DLGAP2: variants seen among roughly 807,000 people sequenced by gnomAD.
DLGAP2 encodes the protein disks large-associated protein 2.
In DLGAP2, 26 loss-of-function variants were observed where a neutral mutation model predicts 100.3. The observed-to-expected ratio is 0.26, with a 90% CI of 0.19 to 0.36. The LOEUF is 0.36. Among genes scored for constraint, DLGAP2 ranks in the 10% least tolerant of loss-of-function variants. The pLI is 1.00. For missense variants in DLGAP2, 1,858 were observed against 1,453.2 expected (o/e 1.28, Z -4.53); for synonymous variants, 886 against 630.1 (o/e 1.41, Z -6.08).
chr8:1,062,827 C>G (rs1016971084), intron 2 of DLGAP2, among the ~76,000 whole-genome samples: 1 of 152,154 alleles, frequency 6.6e-6, no homozygotes, highest in Non-Finnish European at 1.5e-5. Flanking sequence ...TCCAGAACTA[C>G]GGTGCTGTAA....
In DLGAP2 at chr8:940,881, T is replaced by C. The variant is rs1451968063; in HGVS notation, c.73+32915T>C. Among the ~76,000 whole-genome samples the C allele has an allele frequency of 3.3e-5, 5 of 151,920 alleles. No homozygotes were observed. The East Asian group carries it at 5.9e-4, about 18-fold the overall frequency. On this transcript the variant is annotated intron_variant, in intron 2 of 14. Transcript: ENST00000637795. ...GGAGGGGAGGAGGCAGTCAGGCTGC[T>C]CGGGAGGCTGAGCCCAGGAGTCACC...
At chr8:801,604 G>A (rs1268275721) in intron 1 of DLGAP2, among the ~76,000 whole-genome samples, 1 of 152,168 alleles carries the variant, frequency 6.6e-6, no homozygotes, top group African/African-American at 2.4e-5. Flanking sequence ...GTGGGCTTGT[G>A]GGGCTCGCTG....
At chr8:910,898 C>A (rs895074873) in intron 2 of DLGAP2, among the ~76,000 whole-genome samples, 1 of 152,038 alleles carries the variant, frequency 6.6e-6, no homozygotes, top group Admixed American at 6.6e-5. Context: ...GTCCTGGATG[C>A]GCCACCACAT....
chr8:874,261 CT>C (rs1239629957), intron 1 of DLGAP2, among the ~76,000 whole-genome samples: 1 of 150,246 alleles, frequency 6.7e-6, no homozygotes, highest in African/African-American at 2.4e-5. Context: ...TTAGTTTGTT[CT>C]TCTTTTTCCA....
chr8:1,037,892 G>C (rs1389336962), intron 2 of DLGAP2, among the ~76,000 whole-genome samples: 1 of 152,198 alleles, frequency 6.6e-6, no homozygotes, highest in Non-Finnish European at 1.5e-5. Flanking sequence ...CAGCAGGCCT[G>C]GTGTGAGCCC....
chr8:1,374,959 G>T (rs577045520), intron 3 of DLGAP2, among the ~76,000 whole-genome samples: 9 of 151,530 alleles, frequency 5.9e-5, no homozygotes, highest in Non-Finnish European at 8.8e-5. Context: ...ACAGCAGGTG[G>T]TCGATCTCAA....
At chr8:936,749 G>C (rs546697683) in intron 2 of DLGAP2, among the ~76,000 whole-genome samples, 1 of 152,288 alleles carries the variant, frequency 6.6e-6, no homozygotes, top group African/African-American at 2.4e-5. Context: ...GGAGGTGGCA[G>C]GGAGCTGCTG....
intron 3 of DLGAP2, among the ~76,000 whole-genome samples, chr8:1,374,597 T>G (rs1265172746): frequency 6.6e-6 from 1 of 152,208 alleles, no homozygotes; most frequent in African/African-American, 2.4e-5. Flanking sequence ...CTTCCTGTGA[T>G]GTAACCATGT....
At chr8:1,327,261 C>T (rs1229353189) in intron 3 of DLGAP2, among the ~76,000 whole-genome samples, 1 of 152,222 alleles carries the variant, frequency 6.6e-6, no homozygotes, top group Admixed American at 6.5e-5. Context: ...GGTCCCTTGG[C>T]CAAGGCGGAT....
At chr8:1,157,186 G>T (rs536177869) in intron 2 of DLGAP2, among the ~76,000 whole-genome samples, 1 of 152,246 alleles carries the variant, frequency 6.6e-6, no homozygotes, top group Non-Finnish European at 1.5e-5. Context: ...GCTGTGATCA[G>T]CCTGTGGGTT....
chr8:967,270 T>C (rs1799895033), intron 2 of DLGAP2, among the ~76,000 whole-genome samples: 1 of 152,232 alleles, frequency 6.6e-6, no homozygotes, highest in South Asian at 2.1e-4. Context: ...AAGTTTGTTC[T>C]AGTTTGAAGA....
intron 1 of DLGAP2, among the ~76,000 whole-genome samples, chr8:839,835 G>A (rs559545125): frequency 6.6e-5 from 10 of 152,328 alleles, no homozygotes; most frequent in African/African-American, 7.2e-5. Context: ...ATGCCTTTTA[G>A]GTCTCTTTTG....
At chr8:1,105,933 G>A (rs191922220) in intron 2 of DLGAP2, among the ~76,000 whole-genome samples, 124 of 150,014 alleles carry the variant, frequency 8.3e-4, no homozygotes, top group Non-Finnish European at 1.5e-3. Flanking sequence ...GCCATTCTAG[G>A]AGTGTTTTCT....
intron 2 of DLGAP2, among the ~76,000 whole-genome samples, chr8:1,101,661 G>A (rs542220223): frequency 8.6e-5 from 13 of 151,320 alleles, no homozygotes; most frequent in African/African-American, 1.2e-4. Flanking sequence ...GAAGGTCCTC[G>A]TCACCCCTGA....
chr8:1,366,205 G>C (rs1162392518), intron 3 of DLGAP2, among the ~76,000 whole-genome samples: 1 of 152,162 alleles, frequency 6.6e-6, no homozygotes, highest in Non-Finnish European at 1.5e-5. Flanking sequence ...CTAATGTGCT[G>C]CTTTCTGTAC....
At chr8:1,287,939 C>CGT (rs1182048644) in intron 3 of DLGAP2, among the ~76,000 whole-genome samples, 10,870 of 69,748 alleles carry the variant, frequency 0.16, 1,152 homozygotes, top group African/African-American at 0.3. Context: ...TTTGGTTCAG[C>CGT]GTGTGTGTGT....
In DLGAP2 at chr8:1,558,582, A is replaced by T. The variant is rs531587990; in HGVS notation, c.1231-7101A>T. Among the ~76,000 whole-genome samples, 472 of 152,064 alleles carry T rather than the reference A, an allele frequency of 3.1e-3. 3 individuals carry two copies. Among genetic ancestry groups the T allele is most frequent in the African/African-American group, 0.011 (447 of 41,440 alleles). ...ATTACACATACACACACATACACAC[A>T]TAGGCATGCATGCACACCCATATGC... On this transcript the variant is annotated intron_variant, in intron 5 of 14. Coordinates refer to ENST00000637795, the MANE Select transcript of DLGAP2 (RefSeq NM_001346810.2).
chr8:836,061 T>C (rs984084285), intron 1 of DLGAP2, among the ~76,000 whole-genome samples: 1 of 152,158 alleles, frequency 6.6e-6, no homozygotes, highest in Non-Finnish European at 1.5e-5. Flanking sequence ...TGCCGAGATG[T>C]AAAGGACACC....
intron 4 of DLGAP2, among the ~76,000 whole-genome samples, chr8:1,534,791 AGTGTAAG>A: frequency 9.0e-6 from 1 of 110,546 alleles, no homozygotes; most frequent in South Asian, 2.7e-4. Flanking sequence ...TACGTGTGTG[AGTGTAAG>A]TGTGTGTGCG....
Sources: allele counts gnomAD v4.1 joint callset (sites outside exome capture counted in the v4.1 genomes callset), GRCh38; gene constraint gnomAD v4.1.1; transcripts MANE v1.5; gene names NCBI Gene and HGNC (gene_info 2026-07-23, HGNC 2026-07-21).